SHLD2: variants seen among roughly 807,000 people sequenced by gnomAD.
SHLD2 encodes the protein RINN1-REV7-interacting novel NHEJ regulator 2.
A neutral mutation model predicts 73.2 loss-of-function variants in SHLD2; 30 were observed. The observed-to-expected ratio is 0.41, with a 90% CI of 0.31 to 0.56. SHLD2 has a LOEUF of 0.56. Ranked by LOEUF, SHLD2 falls within the 20% of genes least tolerant of loss-of-function variation. The pLI is 0.28. For synonymous variants in SHLD2, 285 were observed against 370.1 expected (o/e 0.77, Z 2.64); for missense variants, 745 against 1,055.9 (o/e 0.71, Z 4.08).
At chr10:87,128,730 C>T (rs1844214986) in intron 2 of SHLD2, among the ~76,000 whole-genome samples, 1 of 152,138 alleles carries the variant, frequency 6.6e-6, no homozygotes, top group Non-Finnish European at 1.5e-5. Context: ...AGCTATTTCC[C>T]TCTTCTGGAA....
At chr10:87,175,730 G>T (rs1847913232) in intron 6 of SHLD2, among the ~76,000 whole-genome samples, 159 bp from the exon 7 acceptor site, 1 of 151,950 alleles carries the variant, frequency 6.6e-6, no homozygotes. Context: ...TGCTTCTGTT[G>T]TCTTAATGCA....
rs918170554 is a variant in SHLD2 at position 87,095,206 on chromosome 10, G to A, written c.-104G>A. 2 of 146,828 alleles carry A rather than the reference G, an allele frequency of 1.4e-5. No individual in the cohort carries two copies. Among genetic ancestry groups the A allele is most frequent in the Non-Finnish European group, 3.0e-5 (2 of 65,668 alleles). 9.1% of individuals were successfully genotyped at this position (146,828 alleles called of 1,614,324 possible). On this transcript the variant is annotated 5_prime_UTR_variant, in exon 1 of 10. Coordinates refer to ENST00000298786, the MANE Select transcript of SHLD2 (RefSeq NM_001330112.2). ...GGTCGGGGCGGGCCCACGGGCGGCCGGATTTGCCCGGAGGCCGCACCCGCC... is the reference window on the plus strand; with the variant it reads ...GGTCGGGGCGGGCCCACGGGCGGCCAGATTTGCCCGGAGGCCGCACCCGCC...
At chr10:87,175,303 A>G (rs984001527) in intron 6 of SHLD2, among the ~76,000 whole-genome samples, 2 of 152,074 alleles carry the variant, frequency 1.3e-5, no homozygotes, top group African/African-American at 4.8e-5. Flanking sequence ...AGATAGATAC[A>G]TGAGAATTTT....
Position 87,176,008 on chromosome 10 carries a change from A to C in SHLD2, c.2083A>C (p.Ile695Leu). The C allele has an allele frequency of 6.5e-7, 1 of 1,549,284 alleles. No individual in the cohort carries two copies. The highest frequency in any genetic ancestry group is 2.0e-5 in the Admixed American group (1 of 50,996). The change falls in exon 7 of 10, where the codon ATT becomes CTT. Residue 695 changes from isoleucine (I) to leucine (L), a missense_variant. Around this residue, in one of 5 missense-constraint regions of SHLD2, gnomAD observed 418 missense variants for 567.8 expected, o/e 0.74. Transcript: ENST00000298786. ...ECLFDDDIRA[I>L]TFKAKFQKSA... Reference sequence around the variant, plus strand: ...CTTGTTTGATGATGATATAAGGGCAATTACATTTAAAGCAAAATTTCAAAA... The same window carrying C: ...CTTGTTTGATGATGATATAAGGGCACTTACATTTAAAGCAAAATTTCAAAA...
chr10:87,162,665 G>T (rs1846899927), intron 4 of SHLD2, among the ~76,000 whole-genome samples: 1 of 152,100 alleles, frequency 6.6e-6, no homozygotes, highest in African/African-American at 2.4e-5. Flanking sequence ...CTGCACTCTA[G>T]CCTGGCAAAA....
At chr10:87,107,270 T>C (rs1195168572) in intron 2 of SHLD2, among the ~76,000 whole-genome samples, 1 of 151,942 alleles carries the variant, frequency 6.6e-6, no homozygotes, top group African/African-American at 2.4e-5. Context: ...AAAACTTAGC[T>C]GGGCGTGGTA....
chr10:87,181,810 C>T (rs1014948690), intron 8 of SHLD2, among the ~76,000 whole-genome samples: 4 of 151,624 alleles, frequency 2.6e-5, no homozygotes, highest in African/African-American at 9.7e-5. Context: ...GCTCTTGTTG[C>T]CCAGGCTGGA....
intron 6 of SHLD2, among the ~76,000 whole-genome samples, chr10:87,175,517 C>T (rs1379078172): frequency 6.6e-6 from 1 of 151,734 alleles, no homozygotes; most frequent in Non-Finnish European, 1.5e-5. Context: ...AACCCTGTCT[C>T]TACTAAAAAT....
At chr10:87,181,833 G>A (rs1482992815) in intron 8 of SHLD2, among the ~76,000 whole-genome samples, 2 of 151,342 alleles carry the variant, frequency 1.3e-5, no homozygotes, top group East Asian at 1.9e-4. Flanking sequence ...GCACTGGTGC[G>A]ATCTCAGCTC....
chr10:87,116,592 C>T (rs1054946936), intron 2 of SHLD2, among the ~76,000 whole-genome samples: 2 of 91,594 alleles, frequency 2.2e-5, no homozygotes, highest in Non-Finnish European at 2.1e-5. Context: ...GGGATAAGGT[C>T]ATCCACTGAG....
intron 4 of SHLD2, among the ~76,000 whole-genome samples, chr10:87,158,399 T>C (rs534673184): frequency 1.1e-4 from 17 of 152,188 alleles, no homozygotes; most frequent in Non-Finnish European, 2.2e-4. Flanking sequence ...AGTATAGTGG[T>C]GGTTCTTCAC....
At chr10:87,173,008 A>G (rs1847703042) in intron 6 of SHLD2, among the ~76,000 whole-genome samples, 1 of 151,644 alleles carries the variant, frequency 6.6e-6, no homozygotes, top group South Asian at 2.1e-4. Flanking sequence ...AAGCATATAT[A>G]AAAGCAGAGA....
intron 2 of SHLD2, among the ~76,000 whole-genome samples, chr10:87,100,031 A>C (rs890110507): frequency 1.3e-5 from 2 of 152,110 alleles, no homozygotes; most frequent in Non-Finnish European, 2.9e-5. Context: ...CCAGATTTGA[A>C]AATGTTTTCA....
chr10:87,165,229 C>G (rs1204566330), intron 4 of SHLD2, among the ~76,000 whole-genome samples: 1 of 151,540 alleles, frequency 6.6e-6, no homozygotes, highest in Admixed American at 6.6e-5. Flanking sequence ...TAGAGAATTA[C>G]CATCAGGCAG....
intron 3 of SHLD2, among the ~76,000 whole-genome samples, chr10:87,153,459 C>G (rs541582277): frequency 8.6e-4 from 131 of 152,272 alleles, no homozygotes; most frequent in African/African-American, 2.9e-3. Flanking sequence ...ACTGTGGGAA[C>G]AGTTATTGAT....
At chr10:87,119,396 T>A (rs1335623879) in intron 2 of SHLD2, among the ~76,000 whole-genome samples, 1 of 152,002 alleles carries the variant, frequency 6.6e-6, no homozygotes, top group Non-Finnish European at 1.5e-5. Context: ...TGCTTAATGG[T>A]TTAAATCGTC....
chr10:87,132,223 G>C (rs1844480380), intron 2 of SHLD2, among the ~76,000 whole-genome samples: 2 of 152,074 alleles, frequency 1.3e-5, no homozygotes, highest in Admixed American at 6.6e-5. Flanking sequence ...GTGATGTAAT[G>C]ATGTCAGAAT....
At chr10:87,128,130 A>C (rs1438544759) in intron 2 of SHLD2, among the ~76,000 whole-genome samples, 1 of 152,190 alleles carries the variant, frequency 6.6e-6, no homozygotes, top group Admixed American at 6.5e-5. Flanking sequence ...GATTGTTAAA[A>C]CAAACAGTAA....
chr10:87,136,824 CTG>C (rs1195625048), intron 2 of SHLD2, among the ~76,000 whole-genome samples: 1 of 152,286 alleles, frequency 6.6e-6, no homozygotes, highest in Non-Finnish European at 1.5e-5. Flanking sequence ...AAGCAGGTCT[CTG>C]TAATTTTACC....
Sources: gnomAD v4.1 joint callset for allele counts (sites outside exome capture counted in the v4.1 genomes callset) on GRCh38, gnomAD v4.1.1 for gene constraint, gnomAD v4.1.1 regional missense constraint, MANE v1.5 for transcripts, NCBI Gene and HGNC (gene_info 2026-07-23, HGNC 2026-07-21) for gene names.